Variants in PIEZO2 observed in about 807,000 individuals in gnomAD.
The protein encoded by PIEZO2 is piezo type mechanosensitive ion channel component 2.
PIEZO2 carries 172 observed loss-of-function variants against 337.3 expected under a neutral mutation model. That is an observed-to-expected ratio of 0.51 (90% CI 0.45 to 0.58). The LOEUF (loss-of-function observed/expected upper bound fraction) is 0.58, where lower values mean the gene tolerates loss of function less well. Ranked by LOEUF, PIEZO2 falls within the 20% of genes least tolerant of loss-of-function variation. The probability of loss-of-function intolerance (pLI) is 0.00; values close to 1 mark genes in which losing one functional copy is unlikely to be tolerated. For missense variants in PIEZO2, 3,028 were observed against 3,391.3 expected (o/e 0.89, Z 2.66); for synonymous variants, 1,251 against 1,228.5 (o/e 1.02, Z -0.38).
In PIEZO2 at chr18:11,016,205, C is replaced by T. The variant is rs1021971783; in HGVS notation, c.161-36545G>A. ...GGAAATGAGCCCTTTGACATTCACTCTCTTTGAAACTGTCATCCCACAGGG... is the reference window on the plus strand; with the variant it reads ...GGAAATGAGCCCTTTGACATTCACTTTCTTTGAAACTGTCATCCCACAGGG... On this transcript the variant is annotated intron_variant, in intron 2 of 55. Coordinates refer to ENST00000674853, the MANE Select transcript of PIEZO2 (RefSeq NM_001378183.1). This position sits in a 1 kb window ranked among gnomAD's most constrained non-coding sequence, Gnocchi z 5.6. 2.0e-5 allele frequency among the ~76,000 whole-genome samples: 3 copies of T among 152,182 alleles called. No individual in the cohort carries two copies. The East Asian group carries it at 5.8e-4, about 29-fold the overall frequency.
rs573780016 is a variant in PIEZO2 at position 10,850,070 on chromosome 18, C to T, written c.917+5283G>A. Reference sequence around the variant, plus strand: ...AGTATCTTAACCTCCCCTAAGTACACCTATCTCTGTCACATAATAAGTCCT... The same window carrying T: ...AGTATCTTAACCTCCCCTAAGTACATCTATCTCTGTCACATAATAAGTCCT... On this transcript the variant is annotated intron_variant, in intron 7 of 55. Transcript: ENST00000674853. The surrounding 1 kb of genome is among the most constrained non-coding windows in gnomAD (Gnocchi z 4.5). 6.6e-6 allele frequency among the ~76,000 whole-genome samples: 1 copy of T among 152,288 alleles called. No individual in the cohort carries two copies. Among genetic ancestry groups the T allele is most frequent in the South Asian group, 2.1e-4 (1 of 4,826 alleles).
At chr18:10,763,224 C>CAA (rs2038215873) in intron 21 of PIEZO2, 126 bp from the exon 22 acceptor site, 1 of 975,768 alleles carries the variant, frequency 1.0e-6, no homozygotes, top group African/African-American at 1.6e-5. Flanking sequence ...CTAGCATGCG[C>CAA]AAGGAATTGC....
At chr18:11,056,520 C>T (rs1462358370) in intron 2 of PIEZO2, among the ~76,000 whole-genome samples, 2 of 152,134 alleles carry the variant, frequency 1.3e-5, no homozygotes, top group Non-Finnish European at 2.9e-5. Flanking sequence ...GTAGGTGAGG[C>T]CCCAACCAGA....
At chr18:10,848,946 A>T (rs763767315) in intron 7 of PIEZO2, among the ~76,000 whole-genome samples, 2 of 152,202 alleles carry the variant, frequency 1.3e-5, no homozygotes, top group African/African-American at 4.8e-5. Flanking sequence ...GATCACCACA[A>T]GATAAGCAAA....
chr18:10,711,930 T>A (rs1432221300), intron 39 of PIEZO2, among the ~76,000 whole-genome samples: 1 of 152,210 alleles, frequency 6.6e-6, no homozygotes, highest in Non-Finnish European at 1.5e-5. Flanking sequence ...TACAGAGCAG[T>A]ACAGTCCAAA....
rs377258234 is a variant in PIEZO2, at chr18:10,677,798, T to C, written c.8030A>G (p.Asn2677Ser). ...SFPLKNITRK[N>S]IAKMIAGNST... is the part of the protein sequence containing the mutation. ...GTTGCCTGCTATCATTTTAGCGATA[T>C]TCTTTCGAGTAATATTTTTAAGAGG... Residue 2677 changes from asparagine (N) to serine (S), a missense_variant, in exon 53 of 56, where the codon AAT becomes AGT. Physicochemically the swap from Asn to Ser is conservative, Grantham distance 46. Coordinates refer to ENST00000674853, the MANE Select transcript of PIEZO2 (RefSeq NM_001378183.1). This position sits in a 1 kb window ranked among gnomAD's most constrained non-coding sequence, Gnocchi z 4.1. 14 of 1,611,386 alleles carry C rather than the reference T, an allele frequency of 8.7e-6. No individual in the cohort carries two copies. The African/African-American group carries it at 1.7e-4, about 20-fold the overall frequency.
chr18:10,858,993 T>C (rs2041803252), intron 5 of PIEZO2, among the ~76,000 whole-genome samples: 2 of 152,200 alleles, frequency 1.3e-5, no homozygotes, highest in South Asian at 4.1e-4. Flanking sequence ...GGAAGAGATA[T>C]AGCAATAAAC....
intron 14 of PIEZO2, among the ~76,000 whole-genome samples, chr18:10,789,974 G>A (rs768416813): frequency 7.8e-4 from 119 of 152,224 alleles, no homozygotes; most frequent in Admixed American, 3.4e-3. Context: ...TATATTTGAA[G>A]AACTTGAATA....
In PIEZO2 at chr18:11,009,131, T is replaced by C. The variant is rs184327881; in HGVS notation, c.161-29471A>G. 1.4e-4 allele frequency among the ~76,000 whole-genome samples: 21 copies of C among 152,334 alleles called. No homozygotes were observed. The highest frequency in any genetic ancestry group is 2.6e-4 in the Non-Finnish European group (18 of 68,020). ...TGACCTACCCTCTTGCTTCATACAA[T>C]TGGTGATTGTCTCAGGGTAGGAATC... On this transcript the variant is annotated intron_variant, in intron 2 of 55. Coordinates refer to ENST00000674853, the MANE Select transcript of PIEZO2 (RefSeq NM_001378183.1). The surrounding 1 kb of genome is among the most constrained non-coding windows in gnomAD (Gnocchi z 4.6).
Position 10,891,098 on chromosome 18 carries a change from C to T in PIEZO2, c.330-19683G>A, listed in dbSNP as rs150437166. Among the ~76,000 whole-genome samples the T allele has an allele frequency of 2.5e-3, 381 of 152,016 alleles. 1 individual carries two copies. The highest frequency in any genetic ancestry group is 8.7e-3 in the African/African-American group (360 of 41,462). On this transcript the variant is annotated intron_variant, in intron 4 of 55. Transcript: ENST00000674853. ...CTATAATCCCAATACTTTGGGAGGC[C>T]GAGGCAGGTGGATTACTTAAGGCCA...
At chr18:10,710,982 C>T (rs984083656) in intron 39 of PIEZO2, among the ~76,000 whole-genome samples, 2 of 152,192 alleles carry the variant, frequency 1.3e-5, no homozygotes, top group East Asian at 1.9e-4. Flanking sequence ...TACATTAAAA[C>T]CTAATTCTAA....
At chr18:10,840,971 T>A (rs1371660119) in intron 7 of PIEZO2, among the ~76,000 whole-genome samples, 1 of 152,210 alleles carries the variant, frequency 6.6e-6, no homozygotes, top group Non-Finnish European at 1.5e-5. Flanking sequence ...CCATATGCAG[T>A]TCCTGATAAA....
chr18:10,682,868 G>C lies in PIEZO2; in HGVS notation c.7498-576C>G, dbSNP rs1327686899. 6.6e-6 allele frequency among the ~76,000 whole-genome samples: 1 copy of C among 152,184 alleles called. No homozygotes were observed. Among genetic ancestry groups the C allele is most frequent in the African/African-American group, 2.4e-5 (1 of 41,446 alleles). On this transcript the variant is annotated intron_variant, in intron 49 of 55. Coordinates refer to ENST00000674853, the MANE Select transcript of PIEZO2 (RefSeq NM_001378183.1). The surrounding 1 kb of genome is among the most constrained non-coding windows in gnomAD (Gnocchi z 5.6). ...GCTGTAGGGAGTGGGGAGAGGGCAG[G>C]TGCGTGTTGCAGGGGCTCACTCTCC...
chr18:10,688,233 G>A (rs975337432), intron 49 of PIEZO2, among the ~76,000 whole-genome samples: 5 of 151,948 alleles, frequency 3.3e-5, no homozygotes, highest in East Asian at 1.9e-4. Context: ...TTCGGCTCCC[G>A]CTTATGAGTG....
chr18:10,733,432 C>T (rs8083113), intron 35 of PIEZO2, among the ~76,000 whole-genome samples: 48,420 of 149,230 alleles, frequency 0.32, 8,635 homozygotes, highest in East Asian at 0.53. Flanking sequence ...ATGGAAGGCT[C>T]TTACCAAACT....
At position 10,777,102 on chromosome 18, in the gene PIEZO2, C is replaced by G. The variant is rs2038818055; in HGVS notation, c.2535-3064G>C. ...CCGGAGAAGCCCCCTCCTCCACTGC[C>G]TTCAATCAGGCTGCTTTGGATGTCT... On this transcript the variant is annotated intron_variant, in intron 18 of 55. Transcript: ENST00000674853. Among the ~76,000 whole-genome samples the G allele has an allele frequency of 1.3e-5, 2 of 152,198 alleles. 1 individual carries two copies. Among genetic ancestry groups the G allele is most frequent in the Non-Finnish European group, 2.9e-5 (2 of 68,040 alleles).
At chr18:11,044,870 T>G (rs955971637) in intron 2 of PIEZO2, among the ~76,000 whole-genome samples, 8 of 152,180 alleles carry the variant, frequency 5.3e-5, no homozygotes, top group African/African-American at 1.9e-4. Context: ...ATGTATTGGC[T>G]GGGTGCAGTG....
At chr18:10,902,306 T>C (rs1306396788) in intron 4 of PIEZO2, among the ~76,000 whole-genome samples, 1 of 152,226 alleles carries the variant, frequency 6.6e-6, no homozygotes, top group Non-Finnish European at 1.5e-5. Context: ...AATTGCAGAA[T>C]GCTATGACCG....
At chr18:10,836,185 G>C (rs1379215988) in intron 7 of PIEZO2, among the ~76,000 whole-genome samples, 1 of 152,072 alleles carries the variant, frequency 6.6e-6, no homozygotes, top group African/African-American at 2.4e-5. Context: ...TCCTATTTAA[G>C]AGTTGGGAGT....
Sources: allele counts gnomAD v4.1 joint callset (sites outside exome capture counted in the v4.1 genomes callset), GRCh38; gene constraint gnomAD v4.1.1; non-coding constraint Gnocchi (gnomAD v3.1); transcripts MANE v1.5; gene names NCBI Gene and HGNC (gene_info 2026-07-23, HGNC 2026-07-21).